The following DNAL1 variants were observed in gnomAD, a reference collection of about 807,000 sequenced individuals.
The protein encoded by DNAL1 is chromosome 14 open reading frame 168.
In DNAL1, 17 loss-of-function variants were observed where a neutral mutation model predicts 29.4. That is an observed-to-expected ratio of 0.58 (90% CI 0.40 to 0.87). DNAL1 has a LOEUF of 0.87. Among genes scored for constraint, DNAL1 ranks in the 40% least tolerant of loss-of-function variants. The pLI, the probability that DNAL1 is intolerant of heterozygous loss-of-function variation, is 0.00. For missense variants in DNAL1, 188 were observed against 214.1 expected, an observed-to-expected ratio of 0.88 and a Z score of 0.76; for synonymous variants, 78 against 76.3, an observed-to-expected ratio of 1.02 and a Z score of -0.12.
intron 5 of DNAL1, among the ~76,000 whole-genome samples, chr14:73,684,489 T>A (rs751975586): frequency 2.6e-5 from 4 of 152,210 alleles, no homozygotes; most frequent in Non-Finnish European, 5.9e-5. Flanking sequence ...CAACAATTCT[T>A]AACTGTTTAT....
rs1267830112 is a variant in DNAL1, at chr14:73,691,682, GC to G, written c.532+2168del. On this transcript the variant is annotated intron_variant, in intron 7 of 7. Transcript: ENST00000553645. The stretch of plus-strand genomic sequence containing the variant: ...TACCTCCCCAATTCAATTCAGCTGG[GC>G]TGTTAAGAAATTCAGTCTGTCATTC... Among the ~76,000 whole-genome samples the G allele has an allele frequency of 3.3e-5, 5 of 152,020 alleles. No homozygotes were observed. The East Asian group carries it at 9.6e-4, about 29-fold the overall frequency.
At chr14:73,665,844 G>C (rs11625116) in intron 4 of DNAL1, among the ~76,000 whole-genome samples, 52 of 152,104 alleles carry the variant, frequency 3.4e-4, no homozygotes, top group Non-Finnish European at 6.8e-4. Flanking sequence ...CTTCTATGTA[G>C]GGCTGGCAGT....
intron 4 of DNAL1, among the ~76,000 whole-genome samples, chr14:73,663,507 G>T (rs1375083507): frequency 2.0e-5 from 3 of 151,922 alleles, no homozygotes; most frequent in African/African-American, 7.3e-5. Context: ...CGCCTGGCCA[G>T]TTCCAGTATG....
chr14:73,682,201 C>T (rs1490457228), intron 5 of DNAL1, among the ~76,000 whole-genome samples: 7 of 138,200 alleles, frequency 5.1e-5, no homozygotes, highest in Admixed American at 1.5e-4. Flanking sequence ...GATGGAGTCT[C>T]GCTCTGTTGC....
intron 1 of DNAL1, chr14:73,653,283 G>T (rs192746350): frequency 6.6e-6 from 1 of 152,164 alleles, no homozygotes; most frequent in African/African-American, 2.4e-5. Context: ...TGTGTTTTGG[G>T]GGGGAACTCA....
chr14:73,702,667 G>A lies in DNAL1; in HGVS notation c.*6725G>A, dbSNP rs547726383. ...CTGATAGGCCCTGAATTGAGAAAAA[G>A]GAATCACCAAGCAATATCCGTAACA... On this transcript the variant is annotated 3_prime_UTR_variant, in exon 8 of 8. Coordinates refer to ENST00000553645, the MANE Select transcript of DNAL1 (RefSeq NM_031427.4). The A allele has an allele frequency of 2.6e-5, 4 of 152,258 alleles. No individual in the cohort carries two copies. The East Asian group carries it at 5.8e-4, about 22-fold the overall frequency. 9.4% of individuals were successfully genotyped at this position (152,258 alleles called of 1,614,324 possible). A position where few individuals can be genotyped will look rare whatever the true frequency, so the allele number is the denominator to read the frequency against.
At chr14:73,662,115 T>C in intron 4 of DNAL1, 73 bp downstream of exon 4, 1 of 1,304,818 alleles carries the variant, frequency 7.7e-7, no homozygotes, top group East Asian at 2.5e-5. Flanking sequence ...AGACAATATG[T>C]AATTCCAGAA....
chr14:73,679,794 T>C (rs1018849979), intron 5 of DNAL1, among the ~76,000 whole-genome samples: 19 of 45,850 alleles, frequency 4.1e-4, no homozygotes, highest in Admixed American at 1.8e-3. Flanking sequence ...AATAGTCTTA[T>C]CTTCTTAATT....
chr14:73,676,812 A>C (rs947984073), intron 5 of DNAL1, among the ~76,000 whole-genome samples: 1 of 152,098 alleles, frequency 6.6e-6, no homozygotes, highest in African/African-American at 2.4e-5. Flanking sequence ...TAGATTTATG[A>C]AAGTAGAAAA....
At chr14:73,663,091 C>A (rs138319061) in intron 4 of DNAL1, among the ~76,000 whole-genome samples, 15 of 151,842 alleles carry the variant, frequency 9.9e-5, no homozygotes, top group Admixed American at 1.3e-4. Context: ...AGAAATACAT[C>A]TGAATGTATT....
intron 5 of DNAL1, among the ~76,000 whole-genome samples, chr14:73,677,884 TTGTGTGTGTGTG>T (rs566825653): frequency 2.1e-4 from 20 of 96,130 alleles, no homozygotes; most frequent in Middle Eastern, 4.6e-3. Flanking sequence ...ATATATATAT[TTGTGTGTGTGTG>T]TGTGTGTGTG....
chr14:73,648,970 A>ATTTGTT (rs1345705042), intron 1 of DNAL1, among the ~76,000 whole-genome samples: 6 of 150,828 alleles, frequency 4.0e-5, no homozygotes, highest in South Asian at 4.2e-4. Context: ...TGTGCTTGAG[A>ATTTGTT]TTTGTTTTTG....
rs1274915554 is a variant in DNAL1, at chr14:73,649,308, A to G, written c.3+4266A>G. 2.1e-5 allele frequency among the ~76,000 whole-genome samples: 3 copies of G among 140,394 alleles called. No homozygotes were observed. The Admixed American group carries it at 2.3e-4, about 11-fold the overall frequency. 92.1% of individuals were successfully genotyped at this position (140,394 alleles called of 152,430 possible). ...GACATTTTTTTTTTTTTTGAGACGG[A>G]GTCTCGCTCTGTCGCCAGGGCTGGA... On this transcript the variant is annotated intron_variant, in intron 1 of 7. Transcript: ENST00000553645.
rs777474514 is a variant in DNAL1 at position 73,645,054 on chromosome 14, T to G, written c.3+12T>G. The G allele has an allele frequency of 1.2e-6, 2 of 1,608,244 alleles. No homozygotes were observed. The highest frequency in any genetic ancestry group is 4.5e-5 in the East Asian group (2 of 44,690). On this transcript the variant is annotated intron_variant, in intron 1 of 7. Coordinates refer to ENST00000553645, the MANE Select transcript of DNAL1 (RefSeq NM_031427.4). Reference sequence around the variant, plus strand: ...CAACCGCCGGAATGGTGAGTACCTTTCGGGCCGCGTAGCCAAAGCTGAGAG... The same window carrying G: ...CAACCGCCGGAATGGTGAGTACCTTGCGGGCCGCGTAGCCAAAGCTGAGAG...
At chr14:73,692,042 G>T (rs1892187922) in intron 7 of DNAL1, among the ~76,000 whole-genome samples, 1 of 146,006 alleles carries the variant, frequency 6.8e-6, no homozygotes. Flanking sequence ...CTGTCACCCA[G>T]GCTAGAGTGC....
At chr14:73,683,731 C>T (rs1891949017) in intron 5 of DNAL1, among the ~76,000 whole-genome samples, 1 of 149,170 alleles carries the variant, frequency 6.7e-6, no homozygotes, top group African/African-American at 2.5e-5. Flanking sequence ...TTGAGAATAA[C>T]AAGTTCACTC....
chr14:73,678,419 C>G (rs543886838), intron 5 of DNAL1, among the ~76,000 whole-genome samples: 10 of 151,786 alleles, frequency 6.6e-5, no homozygotes, highest in African/African-American at 2.4e-4. Context: ...TATCTCATTT[C>G]CAGCTCACAA....
At chr14:73,689,323 C>T in intron 6 of DNAL1, 52 bp from the exon 7 acceptor site, 1 of 1,546,396 alleles carries the variant, frequency 6.5e-7, no homozygotes, top group Non-Finnish European at 8.7e-7. Context: ...TGGACCACCG[C>T]ACCCGGCCAA....
chr14:73,673,432 A>G (rs991475433), intron 5 of DNAL1, among the ~76,000 whole-genome samples: 1 of 152,178 alleles, frequency 6.6e-6, no homozygotes, highest in East Asian at 1.9e-4. Flanking sequence ...TAAATATAGG[A>G]TTAAAGGTAT....
Sources: gnomAD v4.1 joint callset for allele counts (sites outside exome capture counted in the v4.1 genomes callset) on GRCh38, gnomAD v4.1.1 for gene constraint, MANE v1.5 for transcripts, NCBI Gene and HGNC (gene_info 2026-07-23, HGNC 2026-07-21) for gene names.